CANT1: variants seen among roughly 807,000 people sequenced by gnomAD.
The protein encoded by CANT1 is calcium activated nucleotidase 1, also known as soluble calcium-activated nucleotidase 1.
CANT1 carries 26 observed loss-of-function variants against 30.0 expected under a neutral mutation model. That is an observed-to-expected ratio of 0.87 (90% confidence interval 0.64 to 1.20). The LOEUF (loss-of-function observed/expected upper bound fraction) is 1.20, where lower values mean the gene tolerates loss of function less well. CANT1 is among the 50% of genes most tolerant of loss of function. The pLI, the probability that CANT1 is intolerant of heterozygous loss-of-function variation, is 0.00. For missense variants in CANT1, 518 were observed against 563.0 expected, an observed-to-expected ratio of 0.92 and a Z score of 0.81; for synonymous variants, 246 against 251.8, an observed-to-expected ratio of 0.98 and a Z score of 0.22.
rs933553497 is a variant in CANT1, at chr17:78,998,500, C to A, written c.-146-537G>T. Among the ~76,000 whole-genome samples, 2 of 152,256 alleles carry A rather than the reference C, an allele frequency of 1.3e-5. No homozygotes were observed. Among genetic ancestry groups the A allele is most frequent in the African/African-American group, 4.8e-5 (2 of 41,460 alleles). On this transcript the variant is annotated intron_variant, in intron 1 of 4. Transcript: ENST00000392446. This position sits in a 1 kb window ranked among gnomAD's most constrained non-coding sequence, Gnocchi z 4.5. ...CTGCTCGGCTCACTGCGGGGCCTGG[C>A]TCGGCCGCAGGCCTCTCCCAGCTCA...
chr17:78,993,962 G>T lies in CANT1; in HGVS notation c.836-42C>A. On this transcript the variant is annotated intron_variant, in intron 4 of 4. Coordinates refer to ENST00000392446, the MANE Select transcript of CANT1 (RefSeq NM_001159773.2). This position sits in a 1 kb window ranked among gnomAD's most constrained non-coding sequence, Gnocchi z 4.5. ...CGCGGGTCAGACACGCATGCGGCCT[G>T]GTGTGCCCAGCCCCACACCATCAGG... 1 of 1,535,464 alleles carries T rather than the reference G, an allele frequency of 6.5e-7. No individual in the cohort carries two copies.
In CANT1 at chr17:78,993,624, T is replaced by A. The variant is rs972074572; in HGVS notation, c.1132A>T (p.Thr378Ser). 1.2e-6 allele frequency: 2 copies of A among 1,614,122 alleles called. No individual in the cohort carries two copies. The highest frequency in any genetic ancestry group is 2.7e-5 in the African/African-American group (2 of 74,946). ...GRVASYIMAFTLDGRFLLPET... is the reference protein window; with the variant it reads ...GRVASYIMAFSLDGRFLLPET... The stretch of plus-strand genomic sequence containing the variant: ...GGCAACAGGAAGCGCCCGTCCAGCG[T>A]GAAGGCCATGATGTAGGAGGCGACT... The change falls in exon 5 of 5, where the codon ACG (threonine) becomes TCG (serine). Residue 378 changes from threonine to serine, a missense_variant. Transcript: ENST00000392446. The surrounding 1 kb of genome is among the most constrained non-coding windows in gnomAD (Gnocchi z 4.5).
rs543732330 is a variant in CANT1, at chr17:78,995,557, C to T, written c.632-336G>A. On this transcript the variant is annotated intron_variant, in intron 3 of 4. Coordinates refer to ENST00000392446, the MANE Select transcript of CANT1 (RefSeq NM_001159773.2). The surrounding 1 kb of genome is among the most constrained non-coding windows in gnomAD (Gnocchi z 5.7). The stretch of plus-strand genomic sequence containing the variant: ...GGGGCACGTGTGTCCCAGGGGAGTG[C>T]GGGTGCTGCCCTCGGCCACACCTGA... Among the ~76,000 whole-genome samples the T allele has an allele frequency of 5.3e-5, 8 of 152,342 alleles. No homozygotes were observed. The highest frequency in any genetic ancestry group is 2.1e-4 in the South Asian group (1 of 4,832).
chr17:78,994,917 C>T, intron 4 of CANT1, 101 bp downstream of exon 4: 2 of 1,272,976 alleles, frequency 1.6e-6, no homozygotes, highest in Non-Finnish European at 2.2e-6. Context: ...AAGACTATGT[C>T]TAAAATAAAA....
rs2070856702 is a variant in CANT1 at position 78,992,004 on chromosome 17, T to C, written c.*1546A>G. ...GACCCAGCCTGGACATCAAGGACAA[T>C]GATCTAGGAGGCGGGTCAAGGAGAC... On this transcript the variant is annotated 3_prime_UTR_variant, in exon 5 of 5. Coordinates refer to ENST00000392446, the MANE Select transcript of CANT1 (RefSeq NM_001159773.2). 4.3e-6 allele frequency: 1 copy of C among 231,232 alleles called. No individual in the cohort carries two copies. The highest frequency in any genetic ancestry group is 2.2e-5 in the African/African-American group (1 of 45,190). 14.3% of individuals were successfully genotyped at this position (231,232 alleles called of 1,614,324 possible). A position where few individuals can be genotyped will look rare whatever the true frequency, so the allele number is the denominator to read the frequency against.
intron 1 of CANT1, among the ~76,000 whole-genome samples, chr17:79,001,194 C>T (rs1568040774): frequency 1.3e-5 from 2 of 152,176 alleles, no homozygotes; most frequent in African/African-American, 4.8e-5. Flanking sequence ...CGTCACCAGC[C>T]CCTGGAACCC....
At chr17:79,009,019 A>C (rs1180850323) in intron 1 of CANT1, among the ~76,000 whole-genome samples, 1 of 152,176 alleles carries the variant, frequency 6.6e-6, no homozygotes, top group African/African-American at 2.4e-5. Flanking sequence ...CATAGACCAG[A>C]GGAGGGGTAT....
chr17:78,991,742 T>G lies in CANT1; in HGVS notation c.*1808A>C, dbSNP rs965126466. On this transcript the variant is annotated 3_prime_UTR_variant, in exon 5 of 5. Coordinates refer to ENST00000392446, the MANE Select transcript of CANT1 (RefSeq NM_001159773.2). ...ACACTCCCTCAGACGCTTTATTGTT[T>G]ACAAAACAGATGGATCCCATAGGGA... is the stretch of plus-strand genomic sequence containing the variant. 5 of 211,604 alleles carry G rather than the reference T, an allele frequency of 2.4e-5. No homozygotes were observed. The highest frequency in any genetic ancestry group is 1.5e-3 in the Middle Eastern group (1 of 666). The allele number at this position is 211,604 out of a possible 1,614,324, so 13.1% of individuals were successfully genotyped here.
Position 78,997,498 on chromosome 17 carries a change from CG to C in CANT1, c.124del (p.Arg42AlafsTer4), listed in dbSNP as rs1568037159. 4 of 1,578,724 alleles carry C rather than the reference CG, an allele frequency of 2.5e-6. No individual in the cohort carries two copies. The highest frequency in any genetic ancestry group is 3.4e-6 in the Non-Finnish European group (4 of 1,160,638). ...TKAADPRFRP[R>X]WKVILTFFVG... is the part of the protein sequence containing the mutation. The stretch of plus-strand genomic sequence containing the variant: ...AAAGAACGTCAGGATCACCTTCCAG[CG>C]GGGGCGGAAGCGGGGGTCCGCGGCC... On this transcript the variant is annotated frameshift_variant, in exon 3 of 5. Coordinates refer to ENST00000392446, the MANE Select transcript of CANT1 (RefSeq NM_001159773.2). LOFTEE classifies it high-confidence loss of function. This position sits in a 1 kb window ranked among gnomAD's most constrained non-coding sequence, Gnocchi z 7.5.
rs957724359 is a variant in CANT1, at chr17:79,008,341, GGA to G, written c.-147+1321_-147+1322del. ...CCTTTCTCAGCAAAGCTCCTCAGAG[GGA>G]GAGGGAGGAAGAGCTGGGAGATAGC... On this transcript the variant is annotated intron_variant, in intron 1 of 4. Transcript: ENST00000392446. This position sits in a 1 kb window ranked among gnomAD's most constrained non-coding sequence, Gnocchi z 4.4. Among the ~76,000 whole-genome samples, 1 of 152,220 alleles carries G rather than the reference GGA, an allele frequency of 6.6e-6. No homozygotes were observed. Among genetic ancestry groups the G allele is most frequent in the African/African-American group, 2.4e-5 (1 of 41,450 alleles).
At position 78,993,251 on chromosome 17, in the gene CANT1, A is replaced by C; in HGVS notation, c.*299T>G. ...ATTCACTGAACAAAAGAACATAGGA[A>C]AGAAAAGAAACGAGGTCGGATGGAA... is the stretch of plus-strand genomic sequence containing the variant. On this transcript the variant is annotated 3_prime_UTR_variant, in exon 5 of 5. Transcript: ENST00000392446. The surrounding 1 kb of genome is among the most constrained non-coding windows in gnomAD (Gnocchi z 4.5). 1 of 475,066 alleles carries C rather than the reference A, an allele frequency of 2.1e-6. No individual in the cohort carries two copies. Among genetic ancestry groups the C allele is most frequent in the Admixed American group, 3.4e-5 (1 of 29,402 alleles). 29.4% of individuals were successfully genotyped at this position (475,066 alleles called of 1,614,324 possible). A position where few individuals can be genotyped will look rare whatever the true frequency, so the allele number is the denominator to read the frequency against.
Position 78,995,080 on chromosome 17 carries a change from T to G in CANT1, c.773A>C (p.Asp258Ala). ...VKVVGYKGSV[D>A]HENWVSNYNA... ...GTAGTTGGACACCCAGTTCTCGTGGTCCACGCTGCCCTTGTAGCCCACCAC... is the reference window on the plus strand; with the variant it reads ...GTAGTTGGACACCCAGTTCTCGTGGGCCACGCTGCCCTTGTAGCCCACCAC... The change falls in exon 4 of 5, where the codon GAC (aspartate) becomes GCC (alanine). Residue 258 changes from aspartate to alanine, a missense_variant. By Grantham distance (126) the Asp-to-Ala change is moderately radical (BLOSUM62 -2). Coordinates refer to ENST00000392446, the MANE Select transcript of CANT1 (RefSeq NM_001159773.2). The surrounding 1 kb of genome is among the most constrained non-coding windows in gnomAD (Gnocchi z 5.7). The G allele has an allele frequency of 1.2e-6, 2 of 1,609,604 alleles. No individual in the cohort carries two copies. Among genetic ancestry groups the G allele is most frequent in the Non-Finnish European group, 1.7e-6 (2 of 1,178,090 alleles).
rs1599224743 is a variant in CANT1 at position 78,996,794 on chromosome 17, C to G, written c.631+198G>C. 1.3e-6 allele frequency: 1 copy of G among 770,952 alleles called. No individual in the cohort carries two copies. The highest frequency in any genetic ancestry group is 2.5e-5 in the East Asian group (1 of 40,736). The allele number at this position is 770,952 out of a possible 1,614,324, so 47.8% of individuals were successfully genotyped here. ...TAAGCTCTTCCTCCTAGAAACTGCT[C>G]AGTGTGAAGTGACAGTAGGCTATGC... On this transcript the variant is annotated intron_variant, in intron 3 of 4. Transcript: ENST00000392446. This position sits in a 1 kb window ranked among gnomAD's most constrained non-coding sequence, Gnocchi z 5.1.
At chr17:79,001,751 C>T (rs1248054512) in intron 1 of CANT1, among the ~76,000 whole-genome samples, 4 of 152,138 alleles carry the variant, frequency 2.6e-5, no homozygotes, top group Admixed American at 1.3e-4. Context: ...CCAGGCAGGT[C>T]TTCTCGGCCC....
intron 1 of CANT1, among the ~76,000 whole-genome samples, chr17:79,003,207 G>A (rs1484880228): frequency 1.3e-5 from 2 of 152,204 alleles, no homozygotes; most frequent in Non-Finnish European, 2.9e-5. Flanking sequence ...AGTGACAAGA[G>A]AACTCTGTGT....
intron 1 of CANT1, chr17:79,005,314 C>T (rs538515818): frequency 6.6e-6 from 1 of 152,000 alleles, no homozygotes; most frequent in South Asian, 2.1e-4. Flanking sequence ...TGTGCACACC[C>T]AGGAGGCGTC....
At position 78,997,251 on chromosome 17, in the gene CANT1, G is replaced by C. The variant is rs1232549218; in HGVS notation, c.372C>G (p.Thr124=). The part of the protein sequence containing the change: ...DTESRAQEEN[T]WFSYLKKGYL... ...AGCCCTTTTTCAGGTAACTGAACCA[G>C]GTGTTTTCCTCTTGGGCCCTTGACT... The change falls in exon 3 of 5, where the codon ACC becomes ACG. Residue 124 remains threonine, a synonymous_variant. Coordinates refer to ENST00000392446, the MANE Select transcript of CANT1 (RefSeq NM_001159773.2). The surrounding 1 kb of genome is among the most constrained non-coding windows in gnomAD (Gnocchi z 7.5). 1 of 1,614,226 alleles carries C rather than the reference G, an allele frequency of 6.2e-7. No individual in the cohort carries two copies. Among genetic ancestry groups the C allele is most frequent in the South Asian group, 1.1e-5 (1 of 91,086 alleles).
rs2071114215 is a variant in CANT1, at chr17:78,998,334, CTTCT to C, written c.-146-375_-146-372del. The C allele has an allele frequency of 1.3e-5, 2 of 152,830 alleles. No homozygotes were observed. Among genetic ancestry groups the C allele is most frequent in the Admixed American group, 6.5e-5 (1 of 15,298 alleles). The allele number at this position is 152,830 out of a possible 1,614,324, so 9.5% of individuals were successfully genotyped here. A position where few individuals can be genotyped will look rare whatever the true frequency, so the allele number is the denominator to read the frequency against. On this transcript the variant is annotated intron_variant, in intron 1 of 4. Transcript: ENST00000392446. The surrounding 1 kb of genome is among the most constrained non-coding windows in gnomAD (Gnocchi z 4.5). ...ACATCCAAACCAAATAAAAACACTC[CTTCT>C]TTTTCGTATCTGTTGTTGTTTTTGG...
At position 78,992,673 on chromosome 17, in the gene CANT1, T is replaced by G. The variant is rs1409380968; in HGVS notation, c.*877A>C. On this transcript the variant is annotated 3_prime_UTR_variant, in exon 5 of 5. Transcript: ENST00000392446. The stretch of plus-strand genomic sequence containing the variant: ...CAGTTCCTAGAAAAAGGCAACATTT[T>G]CTTTATCTTTGTATCCATTGGCCAA... The G allele has an allele frequency of 5.1e-6, 3 of 586,580 alleles. No individual in the cohort carries two copies. The highest frequency in any genetic ancestry group is 5.6e-4 in the Middle Eastern group (2 of 3,566). 36.3% of individuals were successfully genotyped at this position (586,580 alleles called of 1,614,324 possible). A position where few individuals can be genotyped will look rare whatever the true frequency, so the allele number is the denominator to read the frequency against.
Sources: gnomAD v4.1 joint callset for allele counts (sites outside exome capture counted in the v4.1 genomes callset) on GRCh38, gnomAD v4.1.1 for gene constraint, Gnocchi (gnomAD v3.1) non-coding constraint, MANE v1.5 for transcripts, NCBI Gene and HGNC (gene_info 2026-07-23, HGNC 2026-07-21) for gene names.